CD5: variants seen among roughly 807,000 people sequenced by gnomAD.
CD5 encodes T-cell surface glycoprotein CD5.
Under a neutral mutation model 60.3 loss-of-function variants are expected in CD5, and 36 were observed. The ratio of observed to expected loss-of-function variants is 0.60; its 90% confidence interval spans 0.46 to 0.79. CD5 has a LOEUF of 0.79. Among genes scored for constraint, CD5 ranks in the 30% least tolerant of loss-of-function variants. The pLI is 0.00. For synonymous variants in CD5, 230 were observed against 257.6 expected, an observed-to-expected ratio of 0.89 and a Z score of 1.03; for missense variants, 540 against 630.6, an observed-to-expected ratio of 0.86 and a Z score of 1.54.
intron 5 of CD5, 47 bp downstream of exon 5, chr11:61,119,622 G>A (rs371383970): frequency 2.2e-5 from 31 of 1,409,694 alleles, no homozygotes; most frequent in African/African-American, 4.2e-5. Context: ...GCTGCCCTAG[G>A]TGGGGTCACA....
intron 6 of CD5, among the ~76,000 whole-genome samples, chr11:61,122,151 TAG>T (rs1453889034): frequency 6.6e-6 from 1 of 152,100 alleles, no homozygotes; most frequent in Non-Finnish European, 1.5e-5. Flanking sequence ...TGATGAGTCA[TAG>T]AACTTCTCCT....
upstream of CD5, among the ~76,000 whole-genome samples, chr11:61,099,090 G>C (rs1382384124): frequency 6.6e-6 from 1 of 152,170 alleles, no homozygotes; most frequent in Non-Finnish European, 1.5e-5. Flanking sequence ...CCCCTGCCCC[G>C]GGCTTCCCAT....
chr11:61,102,440 T>G, upstream of CD5: 7 of 507,674 alleles, frequency 1.4e-5, no homozygotes, highest in South Asian at 1.9e-5. Context: ...CTGCTCCCCG[T>G]CCCACCCCTC....
chr11:61,096,638 C>T, the CD5 span, among the ~76,000 whole-genome samples: 2 of 152,218 alleles, frequency 1.3e-5, no homozygotes, highest in Admixed American at 6.5e-5. Context: ...GAACCACCAT[C>T]TCCTTTACAA....
Position 61,118,522 on chromosome 11 carries a change from G to A in CD5, c.400+42G>A, listed in dbSNP as rs752550262. 25 of 1,587,348 alleles carry A rather than the reference G, an allele frequency of 1.6e-5. No individual in the cohort carries two copies. Among genetic ancestry groups the A allele is most frequent in the Non-Finnish European group, 2.1e-5 (24 of 1,163,462 alleles). ...CCACACGGGCACCCTGGGCCTGGGC[G>A]CCAGCCCCGAGGAGACTGCCCGAGG... On this transcript the variant is annotated intron_variant, in intron 3 of 10. Coordinates refer to ENST00000347785, the MANE Select transcript of CD5 (RefSeq NM_014207.4). The surrounding 1 kb of genome is among the most constrained non-coding windows in gnomAD (Gnocchi z 4.7).
chr11:61,112,107 T>C (rs1260330653), intron 1 of CD5, among the ~76,000 whole-genome samples: 1 of 152,106 alleles, frequency 6.6e-6, no homozygotes, highest in Non-Finnish European at 1.5e-5. Context: ...GGGCAGATAT[T>C]TGGACTCCCA....
chr11:61,100,555 C>CACACACACACATCAACATGGAGATT (rs1860656315), upstream of CD5, among the ~76,000 whole-genome samples: 1 of 113,468 alleles, frequency 8.8e-6, no homozygotes, highest in African/African-American at 3.9e-5. Context: ...ACATGGAGAT[C>CACACACACACATCAACATGGAGATT]ACACACACAC....
chr11:61,107,633 T>A (rs902171393), intron 1 of CD5, among the ~76,000 whole-genome samples: 2 of 152,006 alleles, frequency 1.3e-5, no homozygotes, highest in Non-Finnish European at 2.9e-5. Flanking sequence ...GAACAAGACT[T>A]TTAGATTCTG....
chr11:61,094,184 C>T, the CD5 span, among the ~76,000 whole-genome samples: 14 of 151,788 alleles, frequency 9.2e-5, no homozygotes, highest in East Asian at 5.8e-4. Flanking sequence ...ATCCTCAGAG[C>T]GCTCCCAGGT....
In CD5 at chr11:61,104,904, A is replaced by G. The variant is rs532767631; in HGVS notation, c.55+2289A>G. On this transcript the variant is annotated intron_variant, in intron 1 of 10. Transcript: ENST00000347785. ...CACAGAGGCCCCTCCCTTAGCTAAA[A>G]GGGAAGGCCACCAAAGGCACTTCCG... Among the ~76,000 whole-genome samples, 22 of 152,310 alleles carry G rather than the reference A, an allele frequency of 1.4e-4. No individual in the cohort carries two copies. In the South Asian group the frequency reaches 2.9e-3, roughly 20 times the overall value.
rs768370429 is a variant in CD5 at position 61,118,917 on chromosome 11, C to T, written c.403C>T (p.Pro135Ser). The change falls in exon 4 of 11, where the codon CCC (proline) becomes TCC (serine). Residue 135 changes from proline (P) to serine (S), a missense_variant and splice_region_variant. Physicochemically the swap from Pro to Ser is moderately conservative, Grantham distance 74 (BLOSUM62 -1). Coordinates refer to ENST00000347785, the MANE Select transcript of CD5 (RefSeq NM_014207.4). The surrounding 1 kb of genome is among the most constrained non-coding windows in gnomAD (Gnocchi z 4.7). Reference protein sequence around the residue: ...CHSLGLTCLEPQKTTPPTTRP... With the variant: ...CHSLGLTCLESQKTTPPTTRP... Reference sequence around the variant, plus strand: ...CTCACCAGAGTGTCTCATTGCAGAACCCCAGAAGACAACACCTCCAACGAC... The same window carrying T: ...CTCACCAGAGTGTCTCATTGCAGAATCCCAGAAGACAACACCTCCAACGAC... The T allele has an allele frequency of 2.2e-5, 36 of 1,613,434 alleles. No individual in the cohort carries two copies. The highest frequency in any genetic ancestry group is 2.8e-5 in the Non-Finnish European group (33 of 1,179,616).
At chr11:61,115,829 C>T (rs182190122) in intron 2 of CD5, among the ~76,000 whole-genome samples, 2 of 152,298 alleles carry the variant, frequency 1.3e-5, no homozygotes, top group East Asian at 3.9e-4. Flanking sequence ...CCTTGGCAGG[C>T]CCTAAGCACG....
At chr11:61,097,230 T>C in the CD5 span, among the ~76,000 whole-genome samples, 2 of 152,220 alleles carry the variant, frequency 1.3e-5, no homozygotes. Flanking sequence ...GGGAGGTCAA[T>C]GGCCATGGGA....
rs953676219 is a variant in CD5, at chr11:61,127,766, A to G, written c.*1481A>G. ...TTTTTTAATAAAAGCTCTTTCATCT[A>G]TAGTTTGGCCACCATACAGTGGCCT... On this transcript the variant is annotated 3_prime_UTR_variant, in exon 11 of 11. Transcript: ENST00000347785. 1 of 152,172 alleles carries G rather than the reference A, an allele frequency of 6.6e-6. No homozygotes were observed. The highest frequency in any genetic ancestry group is 2.4e-5 in the African/African-American group (1 of 41,442). 9.4% of individuals were successfully genotyped at this position (152,172 alleles called of 1,614,324 possible). A position where few individuals can be genotyped will look rare whatever the true frequency, so the allele number is the denominator to read the frequency against.
chr11:61,106,617 C>T (rs1298033911), intron 1 of CD5, among the ~76,000 whole-genome samples: 1 of 152,152 alleles, frequency 6.6e-6, no homozygotes, highest in African/African-American at 2.4e-5. Flanking sequence ...GACCAGGCGG[C>T]GAATTCAGCT....
At chr11:61,109,551 A>C (rs1860822983) in intron 1 of CD5, among the ~76,000 whole-genome samples, 1 of 152,182 alleles carries the variant, frequency 6.6e-6, no homozygotes, top group South Asian at 2.1e-4. Context: ...AAAAATTTTT[A>C]AACACTGTGC....
At chr11:61,116,656 A>C (rs868435921) in intron 2 of CD5, among the ~76,000 whole-genome samples, 16 of 136,872 alleles carry the variant, frequency 1.2e-4, no homozygotes, top group East Asian at 2.1e-4. Flanking sequence ...CCCCACACAC[A>C]CCACACACAC....
At chr11:61,123,860 G>A in intron 7 of CD5, 24 bp from the exon 8 acceptor site, 1 of 1,400,788 alleles carries the variant, frequency 7.1e-7, no homozygotes, top group Non-Finnish European at 9.6e-7. Flanking sequence ...CCACTCTGAT[G>A]TGCCTTTCTT....
chr11:61,117,705 G>A (rs953884266), intron 2 of CD5, among the ~76,000 whole-genome samples: 45 of 152,120 alleles, frequency 3.0e-4, no homozygotes, highest in African/African-American at 1.1e-3. Flanking sequence ...CACCATGTTG[G>A]CCAGGCTGGT....
Sources: gnomAD v4.1 joint callset for allele counts (sites outside exome capture counted in the v4.1 genomes callset) on GRCh38, gnomAD v4.1.1 for gene constraint, Gnocchi (gnomAD v3.1) non-coding constraint, MANE v1.5 for transcripts, NCBI Gene and HGNC (gene_info 2026-07-23, HGNC 2026-07-21) for gene names.